The following CNTNAP2 variants were observed in gnomAD, a reference collection of about 807,000 sequenced individuals.
CNTNAP2 encodes the protein contactin associated protein 2.
A neutral mutation model predicts 155.2 loss-of-function variants in CNTNAP2; 98 were observed. That is an observed-to-expected ratio of 0.63 (90% CI 0.54 to 0.75). The LOEUF (loss-of-function observed/expected upper bound fraction) is 0.75, where lower values mean the gene tolerates loss of function less well. Ranked by LOEUF, CNTNAP2 falls within the 30% of genes least tolerant of loss-of-function variation. The pLI, the probability that CNTNAP2 is intolerant of heterozygous loss-of-function variation, is 0.00. For missense variants in CNTNAP2, 1,727 were observed against 1,688.1 expected, an observed-to-expected ratio of 1.02 and a Z score of -0.40; for synonymous variants, 651 against 631.2, an observed-to-expected ratio of 1.03 and a Z score of -0.47.
intron 13 of CNTNAP2, among the ~76,000 whole-genome samples, chr7:147,794,226 G>T (rs545050018): frequency 6.6e-6 from 1 of 151,954 alleles, no homozygotes; most frequent in South Asian, 2.1e-4. Context: ...TCCTTGTCTT[G>T]TTCCTGATTT....
chr7:147,985,464 C>T (rs565530038), intron 15 of CNTNAP2, among the ~76,000 whole-genome samples: 12 of 121,212 alleles, frequency 9.9e-5, no homozygotes, highest in African/African-American at 3.8e-4. Flanking sequence ...ATTCCATTGG[C>T]TCTTACACTG....
At chr7:146,881,453 C>T (rs1009654852) in intron 3 of CNTNAP2, among the ~76,000 whole-genome samples, 2 of 152,040 alleles carry the variant, frequency 1.3e-5, no homozygotes, top group South Asian at 4.1e-4. Flanking sequence ...TCTTAAGGCC[C>T]TGCCTGATTT....
rs564976506 is a variant in CNTNAP2, at chr7:147,644,845, C to T, written c.2098+5539C>T. ...TATATTTATTTTACAAATCATATTA[C>T]ACTTTCTAGTTAAGAATTTTTTTGC... is the stretch of plus-strand genomic sequence containing the variant. On this transcript the variant is annotated intron_variant, in intron 13 of 23. Coordinates refer to ENST00000361727, the MANE Select transcript of CNTNAP2 (RefSeq NM_014141.6). Among the ~76,000 whole-genome samples the T allele has an allele frequency of 2.0e-5, 3 of 152,254 alleles. No individual in the cohort carries two copies. In the South Asian group the frequency reaches 6.2e-4, roughly 32 times the overall value.
rs568859380 is a variant in CNTNAP2 at position 148,415,716 on chromosome 7, A to T, written c.*100A>T. 287 of 1,349,730 alleles carry T rather than the reference A, an allele frequency of 2.1e-4. 1 individual carries two copies. The African/African-American group carries it at 3.7e-3, about 17-fold the overall frequency. The allele number at this position is 1,349,730 out of a possible 1,614,324, so 83.6% of individuals were successfully genotyped here. ...TTCATACTCTTGAGCACATCCTTAA[A>T]ATATCAGCACAAGTTGGGGGAGGCA... is the stretch of plus-strand genomic sequence containing the variant. On this transcript the variant is annotated 3_prime_UTR_variant, in exon 24 of 24. Transcript: ENST00000361727.
Position 147,108,189 on chromosome 7 carries a change from A to C in CNTNAP2, c.593A>C (p.Tyr198Ser). ...TTTGATGGCCATGTTGTATTACCAT[A>C]TAGATTCAGAAACAAGAAGATGAAA... ...INFDGHVVLPYRFRNKKMKTL... is the reference protein window; with the variant it reads ...INFDGHVVLPSRFRNKKMKTL... The change falls in exon 5 of 24, where the codon TAT becomes TCT. Residue 198 changes from tyrosine (Y) to serine (S), a missense_variant. Transcript: ENST00000361727. The C allele has an allele frequency of 6.2e-7, 1 of 1,613,654 alleles. No individual in the cohort carries two copies. The highest frequency in any genetic ancestry group is 8.5e-7 in the Non-Finnish European group (1 of 1,179,784).
At position 147,598,777 on chromosome 7, in the gene CNTNAP2, C is replaced by A. The variant is rs185601729; in HGVS notation, c.1897+36520C>A. Among the ~76,000 whole-genome samples the A allele has an allele frequency of 3.0e-3, 454 of 152,194 alleles. 4 individuals are homozygous for A. Among genetic ancestry groups the A allele is most frequent in the African/African-American group, 0.01 (425 of 41,546 alleles). ...GGTACCTAGTGGGAGTTAATTGAAT[C>A]ATGGGGGCGGTTACCCTCATGCTAT... On this transcript the variant is annotated intron_variant, in intron 12 of 23. Coordinates refer to ENST00000361727, the MANE Select transcript of CNTNAP2 (RefSeq NM_014141.6).
intron 1 of CNTNAP2, among the ~76,000 whole-genome samples, chr7:146,251,781 C>T (rs913396711): frequency 5.9e-5 from 9 of 152,200 alleles, no homozygotes; most frequent in East Asian, 1.9e-4. Flanking sequence ...TCAGACTTAA[C>T]GTCATACATT....
At chr7:146,555,437 T>C (rs1173530464) in intron 1 of CNTNAP2, among the ~76,000 whole-genome samples, 5 of 152,192 alleles carry the variant, frequency 3.3e-5, no homozygotes. Context: ...TCTAATCTTC[T>C]ATCTCATCTA....
intron 1 of CNTNAP2, among the ~76,000 whole-genome samples, chr7:146,397,506 T>G (rs1038288243): frequency 3.9e-5 from 6 of 152,234 alleles, no homozygotes; most frequent in African/African-American, 1.4e-4. Context: ...TGAGTCAGGT[T>G]CAAATGAAAG....
At chr7:146,152,716 A>G (rs191290119) in intron 1 of CNTNAP2, among the ~76,000 whole-genome samples, 62 of 152,268 alleles carry the variant, frequency 4.1e-4, no homozygotes, top group Middle Eastern at 3.4e-3. Context: ...GAGTCACCAC[A>G]TGGACAATAT....
intron 10 of CNTNAP2, among the ~76,000 whole-genome samples, chr7:147,400,194 C>A (rs1186195137): frequency 6.6e-6 from 1 of 152,064 alleles, no homozygotes; most frequent in Non-Finnish European, 1.5e-5. Context: ...CTCACTTCTT[C>A]CTTCAAGAGA....
intron 1 of CNTNAP2, among the ~76,000 whole-genome samples, chr7:146,612,720 T>C (rs949364497): frequency 4.6e-5 from 7 of 152,158 alleles, no homozygotes. Flanking sequence ...AAAAATCATA[T>C]GTCATTCCCA....
intron 1 of CNTNAP2, among the ~76,000 whole-genome samples, chr7:146,675,982 C>A (rs1800391694): frequency 6.6e-6 from 1 of 152,122 alleles, no homozygotes; most frequent in Non-Finnish European, 1.5e-5. Context: ...CTAGTTCAGT[C>A]ACATAATGTT....
At chr7:147,245,271 T>A (rs1017612872) in intron 8 of CNTNAP2, among the ~76,000 whole-genome samples, 5 of 151,718 alleles carry the variant, frequency 3.3e-5, no homozygotes, top group Admixed American at 2.0e-4. Context: ...AATAAAAAAT[T>A]AAAAATAAAA....
chr7:147,553,524 T>C (rs1198239966), intron 11 of CNTNAP2, among the ~76,000 whole-genome samples: 1 of 152,208 alleles, frequency 6.6e-6, no homozygotes, highest in Non-Finnish European at 1.5e-5. Context: ...TTATAATCTT[T>C]TATAACATCT....
At chr7:147,231,972 C>T (rs181909306) in intron 8 of CNTNAP2, among the ~76,000 whole-genome samples, 18 of 152,174 alleles carry the variant, frequency 1.2e-4, no homozygotes, top group African/African-American at 4.3e-4. Context: ...TTTATTTGCG[C>T]TTTTGTTGCA....
chr7:146,299,313 G>A (rs1800566602), intron 1 of CNTNAP2, among the ~76,000 whole-genome samples: 3 of 152,008 alleles, frequency 2.0e-5, no homozygotes, highest in Admixed American at 6.6e-5. Context: ...TACACACAGT[G>A]TTCTTAGCAA....
At chr7:146,275,667 G>A (rs114401142) in intron 1 of CNTNAP2, among the ~76,000 whole-genome samples, 2,218 of 152,224 alleles carry the variant, frequency 0.015, 57 homozygotes, top group African/African-American at 0.049. Context: ...GATGCTACAC[G>A]TTGGTTTACA....
intron 14 of CNTNAP2, among the ~76,000 whole-genome samples, chr7:147,964,915 A>G (rs906450549): frequency 8.5e-5 from 13 of 152,200 alleles, no homozygotes; most frequent in Non-Finnish European, 1.5e-4. Context: ...ATATAGATCA[A>G]ATATCCAGCT....
Sources: allele counts gnomAD v4.1 joint callset (sites outside exome capture counted in the v4.1 genomes callset), GRCh38; gene constraint gnomAD v4.1.1; transcripts MANE v1.5; gene names NCBI Gene and HGNC (gene_info 2026-07-23, HGNC 2026-07-21).